The following CDH18 variants were observed in gnomAD, a reference collection of about 807,000 sequenced individuals.
The protein encoded by CDH18 is cadherin-18.
A neutral mutation model predicts 67.9 loss-of-function variants in CDH18; 31 were observed. The ratio of observed to expected loss-of-function variants is 0.46; its 90% CI spans 0.34 to 0.62. The LOEUF is 0.62. Among genes scored for constraint, CDH18 ranks in the 20% least tolerant of loss-of-function variants. The pLI is 0.01. For missense variants in CDH18, 890 were observed against 975.5 expected (o/e 0.91, Z 1.17); for synonymous variants, 362 against 347.2 (o/e 1.04, Z -0.48).
At chr5:19,761,577 C>T (rs570609460) in intron 3 of CDH18, among the ~76,000 whole-genome samples, 18 of 151,962 alleles carry the variant, frequency 1.2e-4, no homozygotes, top group African/African-American at 4.3e-4. Flanking sequence ...AAAAACTGCC[C>T]AACAAAATAA....
chr5:20,559,813 C>T (rs1421415174), intron 1 of CDH18, among the ~76,000 whole-genome samples: 5 of 152,034 alleles, frequency 3.3e-5, no homozygotes, highest in Non-Finnish European at 1.5e-5. Context: ...ACTAACATCC[C>T]TATTAAACAA....
chr5:20,300,850 C>A (rs1747923938), intron 1 of CDH18, among the ~76,000 whole-genome samples: 3 of 152,152 alleles, frequency 2.0e-5, no homozygotes, highest in Non-Finnish European at 4.4e-5. Context: ...TAAAACATAG[C>A]ATTTTCCCTA....
chr5:20,461,645 G>T (rs1751274001), intron 1 of CDH18, among the ~76,000 whole-genome samples: 1 of 151,792 alleles, frequency 6.6e-6, no homozygotes, highest in African/African-American at 2.4e-5. Flanking sequence ...GTTTACTTTG[G>T]GGCAAGAGGA....
chr5:19,579,636 T>A (rs940487741), intron 7 of CDH18, among the ~76,000 whole-genome samples: 1 of 151,896 alleles, frequency 6.6e-6, no homozygotes, highest in African/African-American at 2.4e-5. Context: ...TGCTTATAGA[T>A]CTAATATTTG....
chr5:19,829,872 A>G (rs1277072663), intron 3 of CDH18, among the ~76,000 whole-genome samples: 7 of 152,200 alleles, frequency 4.6e-5, no homozygotes, highest in Admixed American at 4.6e-4. Context: ...TAGAGAGGCC[A>G]GAAATAAAGC....
chr5:20,362,159 T>G (rs188785613), intron 1 of CDH18, among the ~76,000 whole-genome samples: 1 of 152,294 alleles, frequency 6.6e-6, no homozygotes, highest in Non-Finnish European at 1.5e-5. Context: ...TAATTCAACT[T>G]TCCTGTTTGG....
At chr5:19,752,562 C>T (rs572821121) in intron 3 of CDH18, among the ~76,000 whole-genome samples, 30 of 152,212 alleles carry the variant, frequency 2.0e-4, no homozygotes, top group African/African-American at 6.0e-4. Context: ...CACGCCTGGC[C>T]CTGCCCCCAC....
rs774512128 is a variant in CDH18 at position 19,801,311 on chromosome 5, A to G, written c.228+37448T>C. ...CGTATGTTTCATTACGTTAATCACTATTTTACAGGTGTCAGTCATTGAAAC... is the reference window on the plus strand; with the variant it reads ...CGTATGTTTCATTACGTTAATCACTGTTTTACAGGTGTCAGTCATTGAAAC... On this transcript the variant is annotated intron_variant, in intron 3 of 12. Transcript: ENST00000382275. Among the ~76,000 whole-genome samples the G allele has an allele frequency of 9.2e-5, 14 of 152,168 alleles. 1 individual carries two copies. In the South Asian group the frequency reaches 2.9e-3, roughly 32 times the overall value.
intron 2 of CDH18, among the ~76,000 whole-genome samples, chr5:20,106,947 T>G (rs1040738886): frequency 1.2e-4 from 18 of 152,306 alleles, no homozygotes; most frequent in Admixed American, 9.2e-4. Context: ...TATCAAAAAT[T>G]GTTGTGTGCC....
intron 2 of CDH18, among the ~76,000 whole-genome samples, chr5:19,935,049 C>T (rs1354808596): frequency 6.6e-6 from 1 of 151,194 alleles, no homozygotes; most frequent in Non-Finnish European, 1.5e-5. Flanking sequence ...AGTTTGGAAG[C>T]TGAGAAAGAG....
At chr5:19,852,137 C>G (rs570245549) in intron 2 of CDH18, among the ~76,000 whole-genome samples, 1 of 152,024 alleles carries the variant, frequency 6.6e-6, no homozygotes, top group South Asian at 2.1e-4. Flanking sequence ...TCTGGATTGA[C>G]CAGGTGGTAG....
At chr5:19,740,626 TATG>T (rs1317537887) in intron 4 of CDH18, among the ~76,000 whole-genome samples, 2 of 152,126 alleles carry the variant, frequency 1.3e-5, no homozygotes, top group Non-Finnish European at 2.9e-5. Flanking sequence ...CTTAGTGAGT[TATG>T]ATGTGCTTTT....
intron 10 of CDH18, among the ~76,000 whole-genome samples, chr5:19,507,567 A>C (rs1234153766): frequency 6.6e-6 from 1 of 152,194 alleles, no homozygotes; most frequent in Non-Finnish European, 1.5e-5. Context: ...ATGAAATACT[A>C]TGCAGCCATA....
At chr5:20,371,560 T>A (rs77522095) in intron 1 of CDH18, among the ~76,000 whole-genome samples, 3,442 of 152,154 alleles carry the variant, frequency 0.023, 102 homozygotes, top group East Asian at 0.076. Context: ...TGGAGACTAG[T>A]AAGAGTTATT....
chr5:19,849,670 GCATATATATATAAACATATATATATACA>G lies in CDH18; in HGVS notation c.-256-10456_-256-10429del, dbSNP rs1561437393. 1.2e-3 allele frequency among the ~76,000 whole-genome samples: 9 copies of G among 7,350 alleles called. No homozygotes were observed. In the East Asian group the frequency reaches 0.023, roughly 19 times the overall value. The allele number at this position is 7,350 out of a possible 152,430, so 4.8% of individuals were successfully genotyped here. On this transcript the variant is annotated intron_variant, in intron 2 of 12. Coordinates refer to ENST00000382275, the MANE Select transcript of CDH18 (RefSeq NM_004934.5). Reference sequence around the variant, plus strand: ...TATATATAAACATATATATATACACGCATATATATATAAACATATATATATACACGCATATATATATAAACATATATAT... The same window carrying G: ...TATATATAAACATATATATATACACGCGCATATATATATAAACATATATAT...
chr5:19,750,612 C>A lies in CDH18; in HGVS notation c.229-3376G>T, dbSNP rs545433017. Among the ~76,000 whole-genome samples, 8 of 152,142 alleles carry A rather than the reference C, an allele frequency of 5.3e-5. No homozygotes were observed. In the East Asian group the frequency reaches 1.5e-3, roughly 29 times the overall value. On this transcript the variant is annotated intron_variant, in intron 3 of 12. Transcript: ENST00000382275. ...AAATTAGAAATACTCCATATATAGA[C>A]ATGGTAGTGACTCAGTAACCAGTTA...
intron 2 of CDH18, among the ~76,000 whole-genome samples, chr5:19,902,110 C>A (rs543160182): frequency 6.6e-6 from 1 of 152,114 alleles, no homozygotes; most frequent in South Asian, 2.1e-4. Context: ...TTAACATATT[C>A]GTAATACTCA....
intron 1 of CDH18, among the ~76,000 whole-genome samples, chr5:20,441,705 TA>T (rs966618207): frequency 3.9e-5 from 6 of 151,948 alleles, no homozygotes; most frequent in African/African-American, 1.5e-4. Context: ...TATGAAGCAC[TA>T]TTTTTTTATC....
chr5:20,245,971 T>G (rs904889354), intron 2 of CDH18, among the ~76,000 whole-genome samples: 1 of 152,178 alleles, frequency 6.6e-6, no homozygotes, highest in Non-Finnish European at 1.5e-5. Context: ...ATTATTGTCC[T>G]TGTTTTAATG....
Sources: gnomAD v4.1 joint callset for allele counts (sites outside exome capture counted in the v4.1 genomes callset) on GRCh38, gnomAD v4.1.1 for gene constraint, MANE v1.5 for transcripts, NCBI Gene and HGNC (gene_info 2026-07-23, HGNC 2026-07-21) for gene names.